The following GRIK3 variants were observed in gnomAD, a reference collection of about 807,000 sequenced individuals.
The protein encoded by GRIK3 is glutamate ionotropic receptor kainate type subunit 3.
GRIK3 carries 29 observed loss-of-function variants against 102.5 expected under a neutral mutation model. The ratio of observed to expected loss-of-function variants is 0.28; its 90% CI spans 0.21 to 0.39. The LOEUF is 0.39. Among genes scored for constraint, GRIK3 ranks in the 10% least tolerant of loss-of-function variants. The pLI, the probability that GRIK3 is intolerant of heterozygous loss-of-function variation, is 1.00. For missense variants in GRIK3, 908 were observed against 1,252.4 expected, an observed-to-expected ratio of 0.73 and a Z score of 4.15; for synonymous variants, 511 against 504.9, an observed-to-expected ratio of 1.01 and a Z score of -0.16.
At chr1:36,879,550 G>A (rs938486597) in intron 3 of GRIK3, among the ~76,000 whole-genome samples, 3 of 152,192 alleles carry the variant, frequency 2.0e-5, no homozygotes, top group African/African-American at 7.2e-5. Context: ...AAGCCAGAGT[G>A]CGTTTGCTGG....
At position 36,880,976 on chromosome 1, in the gene GRIK3, T is replaced by C. The variant is rs897545362; in HGVS notation, c.293-85A>G. ...TGATGCTGATGATCCTGTAAACATG[T>C]GGGAAAAACAGCAACTGGAACCCTC... On this transcript the variant is annotated intron_variant, in intron 2 of 15. Transcript: ENST00000373091. This position sits in a 1 kb window ranked among gnomAD's most constrained non-coding sequence, Gnocchi z 5.4. The C allele has an allele frequency of 1.2e-5, 17 of 1,426,332 alleles. No homozygotes were observed. In the African/African-American group the frequency reaches 2.4e-4, roughly 20 times the overall value. The allele number at this position is 1,426,332 out of a possible 1,614,324, so 88.4% of individuals were successfully genotyped here. A position where few individuals can be genotyped will look rare whatever the true frequency, so the allele number is the denominator to read the frequency against.
intron 1 of GRIK3, among the ~76,000 whole-genome samples, chr1:37,002,683 T>A (rs1642490646): frequency 5.3e-5 from 8 of 150,952 alleles, no homozygotes; most frequent in Admixed American, 4.6e-4. Context: ...TTTTTTTTTT[T>A]TTTTTGAGAT....
At position 36,798,422 on chromosome 1, in the gene GRIK3, T is replaced by G. The variant is rs1482527743; in HGVS notation, c.*3429A>C. 1 of 152,440 alleles carries G rather than the reference T, an allele frequency of 6.6e-6. No homozygotes were observed. The highest frequency in any genetic ancestry group is 2.4e-5 in the African/African-American group (1 of 41,466). 9.4% of individuals were successfully genotyped at this position (152,440 alleles called of 1,614,324 possible). A position where few individuals can be genotyped will look rare whatever the true frequency, so the allele number is the denominator to read the frequency against. ...GCTCCATCCAAGCAAGCTTTCATGC[T>G]TCCCATCACCTCTCAGTGCCTGCGT... is the stretch of plus-strand genomic sequence containing the variant. On this transcript the variant is annotated 3_prime_UTR_variant, in exon 16 of 16. Transcript: ENST00000373091.
chr1:36,856,912 G>A (rs1298916128), intron 7 of GRIK3, among the ~76,000 whole-genome samples: 1 of 152,112 alleles, frequency 6.6e-6, no homozygotes, highest in Non-Finnish European at 1.5e-5. Context: ...TAGCAAACAG[G>A]AAGGCACAGT....
chr1:37,014,086 G>C, intron 1 of GRIK3, among the ~76,000 whole-genome samples: 1 of 152,182 alleles, frequency 6.6e-6, no homozygotes, highest in Non-Finnish European at 1.5e-5. Flanking sequence ...CATTATTCAG[G>C]CCTTAGCCAC....
At chr1:36,984,701 T>A (rs989965755) in intron 1 of GRIK3, among the ~76,000 whole-genome samples, 3 of 152,166 alleles carry the variant, frequency 2.0e-5, no homozygotes, top group Admixed American at 1.3e-4. Context: ...TCGGAAACTG[T>A]CCCAATCCCC....
At chr1:36,979,219 A>G (rs547420112) in intron 1 of GRIK3, among the ~76,000 whole-genome samples, 2 of 152,360 alleles carry the variant, frequency 1.3e-5, no homozygotes, top group Admixed American at 1.3e-4. Flanking sequence ...AGCCCTCGCT[A>G]CAACACATGC....
intron 2 of GRIK3, among the ~76,000 whole-genome samples, chr1:36,888,059 A>G (rs1185665754): frequency 2.0e-5 from 3 of 152,074 alleles, no homozygotes; most frequent in Non-Finnish European, 4.4e-5. Context: ...CCCAACAAAA[A>G]TGAGTATACA....
intron 1 of GRIK3, among the ~76,000 whole-genome samples, chr1:37,027,037 C>T (rs1280464885): frequency 2.0e-5 from 3 of 151,950 alleles, no homozygotes; most frequent in Non-Finnish European, 4.4e-5. Flanking sequence ...GGGGGAGGCA[C>T]AATGCACATG....
intron 1 of GRIK3, among the ~76,000 whole-genome samples, chr1:37,015,196 C>T (rs1642641353): frequency 6.6e-6 from 1 of 152,128 alleles, no homozygotes; most frequent in Non-Finnish European, 1.5e-5. Flanking sequence ...GGAAAAGCCA[C>T]ATCTCCCTGG....
At chr1:36,818,443 C>A (rs1229847062) in intron 12 of GRIK3, among the ~76,000 whole-genome samples, 1 of 152,222 alleles carries the variant, frequency 6.6e-6, no homozygotes, top group Non-Finnish European at 1.5e-5. Context: ...GTCCCCTCCC[C>A]AACTGGCCAC....
chr1:36,811,409 T>C (rs1008673904), intron 13 of GRIK3, among the ~76,000 whole-genome samples: 5 of 152,110 alleles, frequency 3.3e-5, no homozygotes, highest in Non-Finnish European at 5.9e-5. Context: ...ATTGCTGCAA[T>C]TGATGTTTTA....
At chr1:36,861,795 G>A (rs1392684834) in intron 5 of GRIK3, among the ~76,000 whole-genome samples, 2 of 152,148 alleles carry the variant, frequency 1.3e-5, no homozygotes, top group Non-Finnish European at 2.9e-5. Context: ...TCCCAAGCTT[G>A]CCCAAATAAA....
At chr1:36,933,589 A>G (rs895654893) in intron 1 of GRIK3, among the ~76,000 whole-genome samples, 2 of 152,032 alleles carry the variant, frequency 1.3e-5, no homozygotes, top group Non-Finnish European at 2.9e-5. Context: ...CTGTTAATCC[A>G]CTCACCGACA....
intron 1 of GRIK3, among the ~76,000 whole-genome samples, chr1:36,925,279 C>G (rs550716158): frequency 6.6e-6 from 1 of 152,220 alleles, no homozygotes; most frequent in East Asian, 1.9e-4. Context: ...CAGACACACA[C>G]GGCACACACA....
At position 36,819,342 on chromosome 1, in the gene GRIK3, TC is replaced by T. The variant is rs1248111772; in HGVS notation, c.1873+393del. 2.6e-5 allele frequency among the ~76,000 whole-genome samples: 4 copies of T among 152,126 alleles called. No individual in the cohort carries two copies. Among genetic ancestry groups the T allele is most frequent in the Admixed American group, 1.3e-4 (2 of 15,266 alleles). ...TCCTGCAGTGGCCTCCCACCCAGAC[TC>T]CCTGCCTCTGGTCTCCTTCCATCCA... On this transcript the variant is annotated intron_variant, in intron 12 of 15. Transcript: ENST00000373091. The surrounding 1 kb of genome is among the most constrained non-coding windows in gnomAD (Gnocchi z 4.1).
chr1:36,827,060 C>T (rs1461126273), intron 10 of GRIK3, among the ~76,000 whole-genome samples: 1 of 152,200 alleles, frequency 6.6e-6, no homozygotes, highest in Non-Finnish European at 1.5e-5. Context: ...CCTTCCTCTG[C>T]ACATCTTGCC....
At chr1:36,840,151 T>C (rs1246355404) in intron 10 of GRIK3, among the ~76,000 whole-genome samples, 2 of 152,140 alleles carry the variant, frequency 1.3e-5, no homozygotes, top group African/African-American at 4.8e-5. Flanking sequence ...TCTTTCTGCC[T>C]CAGTCTCCCT....
chr1:36,821,657 G>A (rs1034361351), intron 11 of GRIK3, among the ~76,000 whole-genome samples: 1 of 152,244 alleles, frequency 6.6e-6, no homozygotes, highest in Non-Finnish European at 1.5e-5. Flanking sequence ...ATCCAGCCCA[G>A]GCCGACTTTG....
Sources: gnomAD v4.1 joint callset for allele counts (sites outside exome capture counted in the v4.1 genomes callset) on GRCh38, gnomAD v4.1.1 for gene constraint, Gnocchi (gnomAD v3.1) non-coding constraint, MANE v1.5 for transcripts, NCBI Gene and HGNC (gene_info 2026-07-23, HGNC 2026-07-21) for gene names.